The following SYNPR variants were observed in gnomAD, a reference collection of about 807,000 sequenced individuals.
SYNPR encodes the protein synaptoporin.
In SYNPR, 23 loss-of-function variants were observed where a neutral mutation model predicts 32.9. The observed-to-expected ratio is 0.70, with a 90% CI of 0.50 to 0.99. The LOEUF is 0.99. Among genes scored for constraint, SYNPR ranks in the 50% least tolerant of loss-of-function variants. SYNPR has a pLI of 0.00. For synonymous variants in SYNPR, 146 were observed against 135.9 expected, an observed-to-expected ratio of 1.07 and a Z score of -0.52; for missense variants, 318 against 349.3, an observed-to-expected ratio of 0.91 and a Z score of 0.71.
At chr3:63,241,109 A>G (rs1413734009) in intron 1 of SYNPR, among the ~76,000 whole-genome samples, 1 of 152,142 alleles carries the variant, frequency 6.6e-6, no homozygotes, top group Non-Finnish European at 1.5e-5. Flanking sequence ...CTTCACCGTT[A>G]CAGGACAGAG....
chr3:63,552,425 C>T (rs1281199563), intron 3 of SYNPR, among the ~76,000 whole-genome samples: 2 of 152,062 alleles, frequency 1.3e-5, no homozygotes, highest in African/African-American at 2.4e-5. Flanking sequence ...TATGATATAA[C>T]CATAATGAAT....
At chr3:63,256,653 T>G (rs937893617) in intron 2 of SYNPR, among the ~76,000 whole-genome samples, 2 of 152,016 alleles carry the variant, frequency 1.3e-5, no homozygotes, top group Non-Finnish European at 2.9e-5. Flanking sequence ...ACTCTAAAAA[T>G]CAGAGCACCT....
At chr3:63,249,636 A>G (rs1280032293) in intron 1 of SYNPR, among the ~76,000 whole-genome samples, 1 of 152,114 alleles carries the variant, frequency 6.6e-6, no homozygotes, top group East Asian at 1.9e-4. Context: ...AATCTCACAG[A>G]TCACCTCTGA....
chr3:63,350,898 G>T (rs1286617891), intron 2 of SYNPR, among the ~76,000 whole-genome samples: 1 of 152,096 alleles, frequency 6.6e-6, no homozygotes, highest in Non-Finnish European at 1.5e-5. Context: ...TCTGTTCAAG[G>T]TGCAGCTCCT....
At chr3:63,425,741 G>A (rs1041292673) in intron 2 of SYNPR, among the ~76,000 whole-genome samples, 5 of 151,128 alleles carry the variant, frequency 3.3e-5, no homozygotes, top group African/African-American at 1.2e-4. Flanking sequence ...ACTTATTCAT[G>A]GAATTATTAT....
At chr3:63,612,460 G>A (rs1700213406) in intron 5 of SYNPR, among the ~76,000 whole-genome samples, 1 of 152,110 alleles carries the variant, frequency 6.6e-6, no homozygotes. Context: ...ACAAATCTTA[G>A]TACATCTTTT....
intron 2 of SYNPR, among the ~76,000 whole-genome samples, chr3:63,312,661 G>T (rs1320605403): frequency 6.6e-6 from 1 of 151,942 alleles, no homozygotes; most frequent in Non-Finnish European, 1.5e-5. Context: ...AATGGAATAA[G>T]CTCCTTATCC....
intron 2 of SYNPR, among the ~76,000 whole-genome samples, chr3:63,479,744 C>T (rs1161929236): frequency 1.3e-5 from 2 of 152,116 alleles, no homozygotes; most frequent in African/African-American, 4.8e-5. Flanking sequence ...CAAAATGACC[C>T]AGAAGAGTTA....
rs570465037 is a variant in SYNPR at position 63,346,803 on chromosome 3, C to T, written c.84+68061C>T. Among the ~76,000 whole-genome samples the T allele has an allele frequency of 2.0e-5, 3 of 152,240 alleles. No individual in the cohort carries two copies. In the East Asian group the frequency reaches 5.8e-4, roughly 29 times the overall value. On this transcript the variant is annotated intron_variant, in intron 2 of 5. Transcript: ENST00000478300. ...TTGCCTCTCTTTTTACCAACTCTGT[C>T]GGCTTGCCTTAATAAACATTTAAGT...
chr3:63,242,226 T>G (rs2086254273), intron 1 of SYNPR, among the ~76,000 whole-genome samples: 1 of 152,054 alleles, frequency 6.6e-6, no homozygotes, highest in African/African-American at 2.4e-5. Context: ...TGAGCAGAGC[T>G]TTGCTTAAAA....
Position 63,447,743 on chromosome 3 carries a change from GA to G in SYNPR, c.85-33088del, listed in dbSNP as rs1187915913. On this transcript the variant is annotated intron_variant, in intron 2 of 5. Transcript: ENST00000478300. The stretch of plus-strand genomic sequence containing the variant: ...CTGCATAATTAATATATTTTACTGT[GA>G]TTTTTTTTTTTTTAACACAAATTCT... Among the ~76,000 whole-genome samples, 9 of 144,838 alleles carry G rather than the reference GA, an allele frequency of 6.2e-5. No individual in the cohort carries two copies. The East Asian group carries it at 1.4e-3, about 22-fold the overall frequency.
At chr3:63,321,131 T>C (rs899377239) in intron 2 of SYNPR, among the ~76,000 whole-genome samples, 19 of 152,058 alleles carry the variant, frequency 1.2e-4, no homozygotes, top group Admixed American at 2.0e-4. Flanking sequence ...AAGATATTTC[T>C]TTCAAATAAA....
chr3:63,246,081 C>T (rs1179526689), intron 1 of SYNPR, among the ~76,000 whole-genome samples: 1 of 151,918 alleles, frequency 6.6e-6, no homozygotes, highest in Non-Finnish European at 1.5e-5. Context: ...TTTAAATATA[C>T]AGAGCTATGC....
chr3:63,227,452 A>C (rs1173201649), upstream of SYNPR, among the ~76,000 whole-genome samples: 3 of 152,220 alleles, frequency 2.0e-5, no homozygotes, highest in Non-Finnish European at 4.4e-5. Flanking sequence ...ACAGAAGATT[A>C]CTGTTGGCGA....
rs78476072 is a variant in SYNPR at position 63,494,981 on chromosome 3, G to A, written c.209+14025G>A. On this transcript the variant is annotated intron_variant, in intron 3 of 5. Coordinates refer to ENST00000478300, the MANE Select transcript of SYNPR (RefSeq NM_001130003.2). ...TTAGCAAATGGTTCTCAGAGATATT[G>A]TTTTCCTTGGGACTCAGAATCACTG... 8.3e-3 allele frequency among the ~76,000 whole-genome samples: 1,264 copies of A among 152,198 alleles called. 58 individuals are homozygous for A. In the East Asian group the frequency reaches 0.13, roughly 16 times the overall value.
intron 3 of SYNPR, among the ~76,000 whole-genome samples, chr3:63,499,461 T>C (rs1701437037): frequency 6.6e-6 from 1 of 150,498 alleles, no homozygotes; most frequent in Non-Finnish European, 1.5e-5. Context: ...CTAGAGAGAG[T>C]AGGAACAAAG....
intron 2 of SYNPR, among the ~76,000 whole-genome samples, chr3:63,453,116 T>C (rs1700409977): frequency 6.6e-6 from 1 of 152,130 alleles, no homozygotes; most frequent in Admixed American, 6.6e-5. Context: ...GTTTTAATGA[T>C]CTCCAGATGA....
chr3:63,475,464 T>G (rs542312512), intron 2 of SYNPR, among the ~76,000 whole-genome samples: 93 of 152,300 alleles, frequency 6.1e-4, no homozygotes, highest in African/African-American at 2.2e-3. Flanking sequence ...TCTACTTGAA[T>G]GGGTAAATGG....
intron 2 of SYNPR, among the ~76,000 whole-genome samples, chr3:63,345,892 G>C (rs1242789040): frequency 6.6e-6 from 1 of 151,672 alleles, no homozygotes; most frequent in Non-Finnish European, 1.5e-5. Flanking sequence ...TCAGCTCACT[G>C]CAACCTCCAT....
Sources: gnomAD v4.1 joint callset for allele counts (sites outside exome capture counted in the v4.1 genomes callset) on GRCh38, gnomAD v4.1.1 for gene constraint, MANE v1.5 for transcripts, NCBI Gene and HGNC (gene_info 2026-07-23, HGNC 2026-07-21) for gene names.